Variants in ASZ1 observed in about 807,000 individuals in gnomAD.
ASZ1 encodes ankyrin repeat, SAM and basic leucine zipper domain-containing protein 1.
A neutral mutation model predicts 61.8 loss-of-function variants in ASZ1; 67 were observed. That is an observed-to-expected ratio of 1.08 (90% CI 0.89 to 1.33). The LOEUF (loss-of-function observed/expected upper bound fraction) is 1.33. Among genes scored for constraint, ASZ1 ranks in the 40% most tolerant of loss-of-function variants. ASZ1 has a pLI of 0.00. For synonymous variants in ASZ1, 193 were observed against 192.7 expected (o/e 1.00, Z -0.01); for missense variants, 577 against 554.5 (o/e 1.04, Z -0.41).
intron 2 of ASZ1, among the ~76,000 whole-genome samples, chr7:117,425,848 G>T (rs1011386916): frequency 6.6e-6 from 1 of 151,890 alleles, no homozygotes; most frequent in Admixed American, 6.5e-5. Context: ...AAATTAGCTG[G>T]GCTTGGTGAC....
chr7:117,363,500 G>C lies in ASZ1; in HGVS notation c.*96C>G. 1 of 1,085,112 alleles carries C rather than the reference G, an allele frequency of 9.2e-7. No homozygotes were observed. The highest frequency in any genetic ancestry group is 1.2e-6 in the Non-Finnish European group (1 of 825,948). 67.2% of individuals were successfully genotyped at this position (1,085,112 alleles called of 1,614,324 possible). A position where few individuals can be genotyped will look rare whatever the true frequency, so the allele number is the denominator to read the frequency against. On this transcript the variant is annotated 3_prime_UTR_variant, in exon 13 of 13. Transcript: ENST00000284629. The stretch of plus-strand genomic sequence containing the variant: ...ATTTTTCCTATGGAATATTGGCAAA[G>C]AATGTAAAGTTATATTGTGCTGCAA...
intron 4 of ASZ1, among the ~76,000 whole-genome samples, chr7:117,398,845 T>C (rs1796622728): frequency 6.6e-6 from 1 of 152,168 alleles, no homozygotes; most frequent in Admixed American, 6.5e-5. Context: ...ACAGGCTCTT[T>C]CCTCCTTCTC....
chr7:117,378,398 A>T (rs901246945), intron 10 of ASZ1, among the ~76,000 whole-genome samples: 1 of 152,136 alleles, frequency 6.6e-6, no homozygotes, highest in African/African-American at 2.4e-5. Flanking sequence ...TCACCACAAA[A>T]AGTACACATA....
chr7:117,378,117 A>G (rs1796171731), intron 10 of ASZ1, among the ~76,000 whole-genome samples: 1 of 152,118 alleles, frequency 6.6e-6, no homozygotes, highest in African/African-American at 2.4e-5. Flanking sequence ...TTGAGACCTA[A>G]TTTCTTAAAC....
intron 4 of ASZ1, among the ~76,000 whole-genome samples, chr7:117,410,306 A>G (rs1291712013): frequency 2.0e-5 from 3 of 151,808 alleles, no homozygotes; most frequent in Non-Finnish European, 4.4e-5. Context: ...ATAAAAGTTC[A>G]GTTTCAGAAG....
At chr7:117,374,349 T>A (rs951943035) in intron 10 of ASZ1, among the ~76,000 whole-genome samples, 1 of 152,088 alleles carries the variant, frequency 6.6e-6, no homozygotes, top group Non-Finnish European at 1.5e-5. Context: ...TATCCAAATA[T>A]TCAATAAAAT....
intron 4 of ASZ1, among the ~76,000 whole-genome samples, chr7:117,399,687 G>A (rs1469742922): frequency 6.6e-6 from 1 of 152,080 alleles, no homozygotes; most frequent in Non-Finnish European, 1.5e-5. Context: ...TGGTTGCTAA[G>A]GGGTGGGGGC....
At chr7:117,408,474 C>T (rs2116514601) in intron 4 of ASZ1, among the ~76,000 whole-genome samples, 1 of 152,232 alleles carries the variant, frequency 6.6e-6, no homozygotes, top group Non-Finnish European at 1.5e-5. Flanking sequence ...TACACCCAAC[C>T]ATTGCCAAAT....
chr7:117,423,608 T>A (rs906386314), intron 2 of ASZ1, among the ~76,000 whole-genome samples: 1 of 148,620 alleles, frequency 6.7e-6, no homozygotes, highest in Non-Finnish European at 1.5e-5. Context: ...CACTTTGGGA[T>A]GCCGAAGTGG....
chr7:117,398,204 G>A lies in ASZ1; in HGVS notation c.441-12395C>T, dbSNP rs138902847. Among the ~76,000 whole-genome samples the A allele has an allele frequency of 4.5e-3, 691 of 152,086 alleles. 20 individuals carry two copies. The highest frequency in any genetic ancestry group is 1.5e-3 in the Non-Finnish European group (99 of 68,012). On this transcript the variant is annotated intron_variant, in intron 4 of 12. Transcript: ENST00000284629. The stretch of plus-strand genomic sequence containing the variant: ...AATATATCCCTACTTTCGCTGTTTC[G>A]TACCTTTCTTACTTTGTGCATTTTG...
chr7:117,371,244 G>C (rs1796045980), intron 10 of ASZ1, among the ~76,000 whole-genome samples: 1 of 152,106 alleles, frequency 6.6e-6, no homozygotes, highest in South Asian at 2.1e-4. Context: ...AGCAATGTCA[G>C]CCTCCAATGA....
intron 8 of ASZ1, 113 bp downstream of exon 8, chr7:117,381,956 A>G: frequency 1.4e-6 from 1 of 694,866 alleles, no homozygotes; most frequent in Non-Finnish European, 2.5e-6. Context: ...AATTATGGTG[A>G]AAAGTAAATT....
chr7:117,384,954 A>G, intron 5 of ASZ1, 94 bp from the exon 6 acceptor site: 1 of 1,127,154 alleles, frequency 8.9e-7, no homozygotes, highest in Middle Eastern at 2.1e-4. Context: ...ACACAATAAA[A>G]AAGAGAACAT....
chr7:117,380,222 T>C (rs1437744747), intron 9 of ASZ1, among the ~76,000 whole-genome samples, 175 bp from the exon 10 acceptor site: 3 of 151,850 alleles, frequency 2.0e-5, no homozygotes, highest in Admixed American at 6.6e-5. Flanking sequence ...TTGATGTTAG[T>C]TACAGCATTA....
At position 117,426,869 on chromosome 7, in the gene ASZ1, C is replaced by T; in HGVS notation, c.172G>A (p.Asp58Asn). 20 of 1,613,404 alleles carry T rather than the reference C, an allele frequency of 1.2e-5. No homozygotes were observed. The highest frequency in any genetic ancestry group is 1.5e-5 in the Non-Finnish European group (18 of 1,179,854). ...AGGAGCTCCTGGACCAATGAAACAT[C>T]TCCGATGGTCATTGCTTTCTTAAAT... ...EKFKKAMTIG[D>N]VSLVQELLDS... The change falls in exon 2 of 13, where the codon GAT becomes AAT. Residue 58 changes from aspartate (D) to asparagine (N), a missense_variant. By Grantham distance (23) the Asp-to-Asn change is conservative (BLOSUM62 1). Coordinates refer to ENST00000284629, the MANE Select transcript of ASZ1 (RefSeq NM_130768.3).
At chr7:117,401,231 A>G (rs1796674343) in intron 4 of ASZ1, among the ~76,000 whole-genome samples, 1 of 152,170 alleles carries the variant, frequency 6.6e-6, no homozygotes, top group Non-Finnish European at 1.5e-5. Context: ...TCTCAATTGG[A>G]GAGGAGAGAG....
intron 4 of ASZ1, among the ~76,000 whole-genome samples, chr7:117,405,751 G>C (rs143503464): frequency 1.3e-5 from 2 of 152,220 alleles, no homozygotes; most frequent in Non-Finnish European, 2.9e-5. Context: ...ATGTTTGAGA[G>C]GCTGAAGAGG....
At chr7:117,411,764 T>C (rs1396734140) in intron 4 of ASZ1, among the ~76,000 whole-genome samples, 1 of 151,714 alleles carries the variant, frequency 6.6e-6, no homozygotes, top group Non-Finnish European at 1.5e-5. Flanking sequence ...TCCCCTACTA[T>C]AAGAATGAAA....
intron 6 of ASZ1, among the ~76,000 whole-genome samples, chr7:117,384,296 G>A (rs954644854): frequency 6.6e-6 from 1 of 152,058 alleles, no homozygotes; most frequent in Non-Finnish European, 1.5e-5. Context: ...ACATATAAGA[G>A]CAAATGTTGT....
Sources: allele counts gnomAD v4.1 joint callset (sites outside exome capture counted in the v4.1 genomes callset), GRCh38; gene constraint gnomAD v4.1.1; transcripts MANE v1.5; gene names NCBI Gene and HGNC (gene_info 2026-07-23, HGNC 2026-07-21).